RHBDD1: variants seen among roughly 807,000 people sequenced by gnomAD.
RHBDD1 encodes the protein rhomboid domain containing 1.
Under a neutral mutation model 36.3 loss-of-function variants are expected in RHBDD1, and 38 were observed. The ratio of observed to expected loss-of-function variants is 1.05; its 90% CI spans 0.81 to 1.37. The LOEUF is 1.37. RHBDD1 is among the 40% of genes most tolerant of loss of function. RHBDD1 has a pLI of 0.00. For synonymous variants in RHBDD1, 151 were observed against 136.5 expected, an observed-to-expected ratio of 1.11 and a Z score of -0.74; for missense variants, 393 against 377.6, an observed-to-expected ratio of 1.04 and a Z score of -0.34.
chr2:226,884,290 G>A (rs1211893745), intron 5 of RHBDD1, among the ~76,000 whole-genome samples: 1 of 151,978 alleles, frequency 6.6e-6, no homozygotes, highest in Non-Finnish European at 1.5e-5. Flanking sequence ...TTCAGGTTTG[G>A]TTCAAATTAT....
chr2:226,829,238 C>G, the RHBDD1 span, among the ~76,000 whole-genome samples: 1 of 152,152 alleles, frequency 6.6e-6, no homozygotes, highest in Non-Finnish European at 1.5e-5. Flanking sequence ...TATGCCTATT[C>G]TTACACCAAT....
intron 5 of RHBDD1, among the ~76,000 whole-genome samples, chr2:226,877,157 G>A (rs141067539): frequency 3.3e-5 from 5 of 152,248 alleles, no homozygotes; most frequent in African/African-American, 9.6e-5. Context: ...TAGTTCCAAG[G>A]TGGAACCTGA....
At chr2:226,827,740 T>C in the RHBDD1 span, among the ~76,000 whole-genome samples, 4 of 152,356 alleles carry the variant, frequency 2.6e-5, no homozygotes, top group Admixed American at 2.0e-4. Flanking sequence ...GTTTCATTGA[T>C]AGTAATGTAG....
the RHBDD1 span, among the ~76,000 whole-genome samples, chr2:226,803,208 G>A: frequency 6.6e-6 from 1 of 152,052 alleles, no homozygotes; most frequent in Non-Finnish European, 1.5e-5. Context: ...GCATTTGAAT[G>A]CTTACTCTGC....
At chr2:226,964,782 T>G (rs1161839795) in intron 8 of RHBDD1, among the ~76,000 whole-genome samples, 2 of 152,204 alleles carry the variant, frequency 1.3e-5, no homozygotes, top group Non-Finnish European at 2.9e-5. Flanking sequence ...TCACTTCTTT[T>G]TACATCCATT....
At chr2:226,921,569 C>T (rs970875121) in intron 8 of RHBDD1, among the ~76,000 whole-genome samples, 3 of 152,014 alleles carry the variant, frequency 2.0e-5, no homozygotes, top group Admixed American at 2.0e-4. Flanking sequence ...TTTGAATTTC[C>T]TTCTTAATTT....
intron 5 of RHBDD1, chr2:226,867,810 C>G (rs763933544): frequency 1.0e-5 from 3 of 292,260 alleles, no homozygotes; most frequent in Non-Finnish European, 1.0e-5. Context: ...CCTCCACCCC[C>G]TGGGTTCAAG....
At chr2:226,970,527 G>T (rs940005903) in intron 8 of RHBDD1, among the ~76,000 whole-genome samples, 1 of 152,130 alleles carries the variant, frequency 6.6e-6, no homozygotes, top group Non-Finnish European at 1.5e-5. Context: ...CAGAGGGCAC[G>T]GAAGCAGCCT....
At chr2:226,897,988 A>AAACAAC (rs150899228) in intron 5 of RHBDD1, among the ~76,000 whole-genome samples, 2 of 151,792 alleles carry the variant, frequency 1.3e-5, no homozygotes, top group Admixed American at 1.3e-4. Flanking sequence ...TCAAAAAACA[A>AAACAAC]AACAACAACA....
chr2:226,994,226 C>T (rs1958897327), intron 8 of RHBDD1, among the ~76,000 whole-genome samples: 1 of 152,196 alleles, frequency 6.6e-6, no homozygotes, highest in Non-Finnish European at 1.5e-5. Flanking sequence ...ATTTATTGAA[C>T]AGCTACTGTG....
intron 8 of RHBDD1, among the ~76,000 whole-genome samples, chr2:226,951,399 T>G (rs1951418947): frequency 6.6e-6 from 1 of 152,236 alleles, no homozygotes; most frequent in East Asian, 1.9e-4. Context: ...TAACTCATAT[T>G]TTTTGTTCTC....
chr2:226,899,684 T>C lies in RHBDD1; in HGVS notation c.567-7109T>C, dbSNP rs192161847. On this transcript the variant is annotated intron_variant, in intron 5 of 8. Coordinates refer to ENST00000392062, the MANE Select transcript of RHBDD1 (RefSeq NM_001167608.3). Reference sequence around the variant, plus strand: ...AGAGGAATGACTTTCCAACTGACAGTACATTTATTATCAGCAGCAGTAGAT... The same window carrying C: ...AGAGGAATGACTTTCCAACTGACAGCACATTTATTATCAGCAGCAGTAGAT... Among the ~76,000 whole-genome samples, 28 of 152,308 alleles carry C rather than the reference T, an allele frequency of 1.8e-4. No individual in the cohort carries two copies. In the East Asian group the frequency reaches 5.2e-3, roughly 28 times the overall value.
At chr2:226,839,095 CA>C (rs1941331916) in intron 2 of RHBDD1, among the ~76,000 whole-genome samples, 2 of 152,132 alleles carry the variant, frequency 1.3e-5, no homozygotes, top group Admixed American at 6.5e-5. Context: ...TTTTACATTA[CA>C]TTTTTTAATA....
At chr2:226,818,017 A>G in the RHBDD1 span, among the ~76,000 whole-genome samples, 1 of 152,194 alleles carries the variant, frequency 6.6e-6, no homozygotes, top group African/African-American at 2.4e-5. Flanking sequence ...TTAAAGGTAT[A>G]GGAATTCAGA....
upstream of RHBDD1, among the ~76,000 whole-genome samples, chr2:226,831,498 CAG>C (rs1045518954): frequency 6.6e-6 from 1 of 152,120 alleles, no homozygotes; most frequent in Non-Finnish European, 1.5e-5. Flanking sequence ...GAGATGCAGG[CAG>C]AGACTGAAGT....
At chr2:226,827,270 GT>G in the RHBDD1 span, among the ~76,000 whole-genome samples, 1 of 152,148 alleles carries the variant, frequency 6.6e-6, no homozygotes, top group Non-Finnish European at 1.5e-5. Context: ...CAGCCTAATG[GT>G]GTTTTTAAAA....
At chr2:226,913,419 C>A (rs1274984782) in intron 7 of RHBDD1, among the ~76,000 whole-genome samples, 1 of 152,172 alleles carries the variant, frequency 6.6e-6, no homozygotes, top group Non-Finnish European at 1.5e-5. Flanking sequence ...GAACAAAAAT[C>A]TCTTCCAAAC....
At chr2:226,939,295 A>G (rs1451822733) in intron 8 of RHBDD1, among the ~76,000 whole-genome samples, 1 of 152,176 alleles carries the variant, frequency 6.6e-6, no homozygotes, top group African/African-American at 2.4e-5. Flanking sequence ...CGAACAAGAG[A>G]AAGAAATAAA....
chr2:226,910,794 A>G (rs923510539), intron 7 of RHBDD1, among the ~76,000 whole-genome samples: 4 of 152,172 alleles, frequency 2.6e-5, no homozygotes, highest in Admixed American at 6.5e-5. Context: ...TGATTGGGCC[A>G]GTGAAACATC....
Sources: gnomAD v4.1 joint callset for allele counts (sites outside exome capture counted in the v4.1 genomes callset) on GRCh38, gnomAD v4.1.1 for gene constraint, MANE v1.5 for transcripts, NCBI Gene and HGNC (gene_info 2026-07-23, HGNC 2026-07-21) for gene names.